The following MAP3K15 variants were observed in gnomAD, a reference collection of about 807,000 sequenced individuals.
MAP3K15 encodes MAPK/ERK kinase kinase 15.
A neutral mutation model predicts 99.5 loss-of-function variants in MAP3K15; 124 were observed. That is an observed-to-expected ratio of 1.25 (90% confidence interval 1.08 to 1.45). The LOEUF is 1.45. Among genes scored for constraint, MAP3K15 ranks in the 40% most tolerant of loss-of-function variants. The probability of loss-of-function intolerance (pLI) is 0.00; values close to 1 mark genes in which losing one functional copy is unlikely to be tolerated. For synonymous variants in MAP3K15, 494 were observed against 439.6 expected, an observed-to-expected ratio of 1.12 and a Z score of -1.55; for missense variants, 1,242 against 1,079.7, an observed-to-expected ratio of 1.15 and a Z score of -2.11.
intron 1 of MAP3K15, among the ~76,000 whole-genome samples, chrX:19,501,481 G>T (rs1447115658): frequency 9.0e-6 from 1 of 111,427 alleles, no homozygotes. Flanking sequence ...CTGTCATTAG[G>T]ATGGATGTTA....
chrX:19,380,393 G>A, intron 18 of MAP3K15, 116 bp from the exon 19 acceptor site: 1 of 757,441 alleles, frequency 1.3e-6, no homozygotes, highest in Non-Finnish European at 1.9e-6. Context: ...CCCAGGTGTT[G>A]GAGACCAGCC....
In MAP3K15 at chrX:19,373,645, C is replaced by T. The variant is rs2047738029; in HGVS notation, c.2824G>A (p.Ala942Thr). The change falls in exon 21 of 29, where the codon GCC (alanine) becomes ACC (threonine). Residue 942 changes from alanine to threonine, a missense_variant. Ala to Thr is a moderately conservative substitution (Grantham distance 58). Transcript: ENST00000338883. ...LALPTQGEPMATSSSEHGSVS... is the reference protein window; with the variant it reads ...LALPTQGEPMTTSSSEHGSVS... ...GAGCCGTGCTCGCTGCTGCTGGTGG[C>T]CATGGGCTCTCCCTGTGTGGGCAGG... is the stretch of plus-strand genomic sequence containing the variant. 8.3e-7 allele frequency: 1 copy of T among 1,200,934 alleles called. No homozygotes were observed. The highest frequency in any genetic ancestry group is 1.1e-6 in the Non-Finnish European group (1 of 892,711).
At chrX:19,447,658 C>T (rs1313156566) in intron 6 of MAP3K15, among the ~76,000 whole-genome samples, 1 of 106,026 alleles carries the variant, frequency 9.4e-6, no homozygotes, top group Non-Finnish European at 1.9e-5. Flanking sequence ...CCGAGGCAGG[C>T]AGATCACGAG....
In MAP3K15 at chrX:19,392,376, A is replaced by G; in HGVS notation, c.2292T>C (p.Leu764=). The G allele has an allele frequency of 8.3e-7, 1 of 1,209,285 alleles. No individual in the cohort carries two copies. Among genetic ancestry groups the G allele is most frequent in the Non-Finnish European group, 1.1e-6 (1 of 894,280 alleles). Residue 764 remains leucine, a synonymous_variant, in exon 17 of 29, where the codon CTT becomes CTC. Coordinates refer to ENST00000338883, the MANE Select transcript of MAP3K15 (RefSeq NM_001001671.4). The part of the protein sequence containing the change: ...TKQILEGLKY[L]HENQIVHRDI... ...CTCTGTGCACGATCTGGTTTTCATG[A>G]AGATACTTAAGGCCCTCCAGGATCT...
chrX:19,371,557 T>C (rs780422355), intron 22 of MAP3K15, 27 bp from the exon 23 acceptor site: 67 of 1,151,925 alleles, frequency 5.8e-5, no homozygotes, highest in Non-Finnish European at 1.6e-5. Flanking sequence ...ATCATTTTCA[T>C]TGAGTCAGAT....
At chrX:19,395,340 T>A in intron 15 of MAP3K15, 132 bp from the exon 16 acceptor site, 1 of 644,325 alleles carries the variant, frequency 1.6e-6, no homozygotes, top group Admixed American at 3.1e-5. Flanking sequence ...CTGGCTTCCA[T>A]GAAACTATTC....
In MAP3K15 at chrX:19,362,742, C is replaced by T. The variant is rs972984118; in HGVS notation, c.3675G>A (p.Ser1225=). The T allele has an allele frequency of 6.3e-6, 7 of 1,119,372 alleles. No individual in the cohort carries two copies. The Admixed American group carries it at 9.2e-5, about 15-fold the overall frequency. The allele number at this position is 1,119,372 out of a possible 1,213,427, so 92.2% of individuals were successfully genotyped here. A position where few individuals can be genotyped will look rare whatever the true frequency, so the allele number is the denominator to read the frequency against. Reference sequence around the variant, plus strand: ...TCTCATTGGAAAATGACTTACAATTCGATTTTAATTTTAACTGAAGGTGAT... The same window carrying T: ...TCTCATTGGAAAATGACTTACAATTTGATTTTAATTTTAACTGAAGGTGAT... ...ELYHLQLKLK[S]NCITENPAGP... Residue 1225 remains serine (S), a synonymous_variant, in exon 26 of 29, where the codon TCG becomes TCA. Transcript: ENST00000338883.
At chrX:19,405,658 C>CATTAGATA (rs1461682257) in intron 13 of MAP3K15, among the ~76,000 whole-genome samples, 2 of 112,257 alleles carry the variant, frequency 1.8e-5, no homozygotes, top group Admixed American at 9.5e-5. Context: ...TTAATTTCCT[C>CATTAGATA]ATTAGATAAC....
chrX:19,437,142 T>C, intron 6 of MAP3K15, among the ~76,000 whole-genome samples: 1 of 112,083 alleles, frequency 8.9e-6, no homozygotes, highest in Middle Eastern at 4.6e-3. Context: ...CTGGCTTTTA[T>C]TTCAAACTAC....
At chrX:19,374,784 G>A in intron 19 of MAP3K15, 124 bp from the exon 20 acceptor site, 2 of 574,300 alleles carry the variant, frequency 3.5e-6, no homozygotes, top group Middle Eastern at 4.9e-4. Context: ...ATGCCCCCTT[G>A]CAACGTCACG....
At chrX:19,462,973 A>G (rs1234177709) in intron 4 of MAP3K15, among the ~76,000 whole-genome samples, 1 of 112,554 alleles carries the variant, frequency 8.9e-6, no homozygotes, top group Non-Finnish European at 1.9e-5. Flanking sequence ...CTGAGTGAGA[A>G]ACAAACTTGA....
intron 6 of MAP3K15, among the ~76,000 whole-genome samples, chrX:19,448,882 A>C (rs2064019903): frequency 9.1e-6 from 1 of 109,829 alleles, no homozygotes. Flanking sequence ...TATTTTACTT[A>C]TGATATTATT....
intron 18 of MAP3K15, among the ~76,000 whole-genome samples, chrX:19,386,588 A>G (rs2063495177): frequency 9.0e-6 from 1 of 111,296 alleles, no homozygotes; most frequent in Admixed American, 9.6e-5. Context: ...AGGTACCTAC[A>G]CCAGTGCAGT....
rs780242412 is a variant in MAP3K15, at chrX:19,492,385, T to C, written c.362-3418A>G. Among the ~76,000 whole-genome samples the C allele has an allele frequency of 3.6e-5, 4 of 111,018 alleles. No individual in the cohort carries two copies. The East Asian group carries it at 1.1e-3, about 31-fold the overall frequency. ...GAGAACTCAAAGAAAAAAATAACCA[T>C]AGTATCAATGTCTCACCTAAAAATA... On this transcript the variant is annotated intron_variant, in intron 1 of 28. Transcript: ENST00000338883.
intron 3 of MAP3K15, among the ~76,000 whole-genome samples, chrX:19,482,507 C>T (rs755925465): frequency 8.9e-6 from 1 of 112,160 alleles, no homozygotes; most frequent in African/African-American, 3.2e-5. Flanking sequence ...CAAAAGATCA[C>T]ATATTGTATG....
At chrX:19,513,318 G>A (rs1320141909) in intron 1 of MAP3K15, among the ~76,000 whole-genome samples, 1 of 112,230 alleles carries the variant, frequency 8.9e-6, no homozygotes, top group Non-Finnish European at 1.9e-5. Flanking sequence ...CAGCAGGAAG[G>A]AGAGTGTTGT....
intron 1 of MAP3K15, among the ~76,000 whole-genome samples, chrX:19,508,153 C>G (rs757869805): frequency 5.4e-5 from 6 of 111,185 alleles, no homozygotes; most frequent in African/African-American, 1.6e-4. Context: ...CAGGCATGAG[C>G]CGCCACGCCC....
At chrX:19,407,517 T>C (rs968793996) in intron 12 of MAP3K15, among the ~76,000 whole-genome samples, 1 of 111,905 alleles carries the variant, frequency 8.9e-6, no homozygotes, top group Admixed American at 9.6e-5. Flanking sequence ...TTACTCTTAA[T>C]ATAATTCAGT....
intron 5 of MAP3K15, among the ~76,000 whole-genome samples, chrX:19,457,762 A>G (rs189907933): frequency 8.9e-6 from 1 of 111,919 alleles, no homozygotes; most frequent in East Asian, 2.8e-4. Context: ...AATCTAAACT[A>G]GTGTTTCTCA....
Sources: allele counts gnomAD v4.1 joint callset (sites outside exome capture counted in the v4.1 genomes callset), GRCh38; gene constraint gnomAD v4.1.1; transcripts MANE v1.5; gene names NCBI Gene and HGNC (gene_info 2026-07-23, HGNC 2026-07-21).